The following RBMS3 variants were observed in gnomAD, a reference collection of about 807,000 sequenced individuals.
RBMS3 encodes the protein RNA-binding motif, single-stranded-interacting protein 3.
Under a neutral mutation model 66.8 loss-of-function variants are expected in RBMS3, and 27 were observed. The observed-to-expected ratio is 0.40, with a 90% CI of 0.30 to 0.56. The LOEUF (loss-of-function observed/expected upper bound fraction) is 0.56. Ranked by LOEUF, RBMS3 falls within the 20% of genes least tolerant of loss-of-function variation. The pLI, the probability that RBMS3 is intolerant of heterozygous loss-of-function variation, is 0.40. For synonymous variants in RBMS3, 188 were observed against 183.0 expected (o/e 1.03, Z -0.22); for missense variants, 513 against 549.5 (o/e 0.93, Z 0.66).
At chr3:29,517,946 TC>T (rs1396574282) in intron 3 of RBMS3, among the ~76,000 whole-genome samples, 1 of 152,144 alleles carries the variant, frequency 6.6e-6, no homozygotes, top group Non-Finnish European at 1.5e-5. Flanking sequence ...ACCTTTTTCT[TC>T]CCCCTAAATA....
At chr3:29,735,576 CTG>C (rs1384444180) in intron 4 of RBMS3, among the ~76,000 whole-genome samples, 5 of 152,118 alleles carry the variant, frequency 3.3e-5, no homozygotes, top group African/African-American at 7.2e-5. Flanking sequence ...CATTCAATGA[CTG>C]TGTGTAGAAT....
intron 3 of RBMS3, among the ~76,000 whole-genome samples, chr3:29,564,235 G>A (rs1210819105): frequency 2.6e-5 from 4 of 151,944 alleles, no homozygotes. Flanking sequence ...CCAGCACTTT[G>A]GGAGGCCAAG....
At chr3:29,685,513 A>C (rs1203157846) in intron 4 of RBMS3, among the ~76,000 whole-genome samples, 1 of 152,170 alleles carries the variant, frequency 6.6e-6, no homozygotes, top group African/African-American at 2.4e-5. Context: ...TCCTCTAAAA[A>C]AGGGAAGAAC....
At chr3:29,433,135 C>T (rs530887583) in intron 1 of RBMS3, among the ~76,000 whole-genome samples, 1 of 151,672 alleles carries the variant, frequency 6.6e-6, no homozygotes, top group African/African-American at 2.4e-5. Flanking sequence ...TAGAATGAAA[C>T]TGTAGAGACA....
intron 3 of RBMS3, among the ~76,000 whole-genome samples, chr3:29,529,469 G>A (rs1172752384): frequency 2.0e-5 from 3 of 152,170 alleles, no homozygotes; most frequent in Admixed American, 6.5e-5. Flanking sequence ...TTTTGAAAAC[G>A]CATGATTCTG....
intron 12 of RBMS3, among the ~76,000 whole-genome samples, chr3:29,982,258 TC>T (rs1266050657): frequency 3.4e-4 from 51 of 152,212 alleles, no homozygotes; most frequent in African/African-American, 1.2e-3. Flanking sequence ...TTCTGTGAGA[TC>T]AGTGGTGATA....
chr3:29,702,742 T>A lies in RBMS3; in HGVS notation c.400-36978T>A, dbSNP rs572024969. ...AGAGCTGTAACACTCACCGTGAAGG[T>A]CTGCAGTTTTACTCCTGAAGCCAGC... On this transcript the variant is annotated intron_variant, in intron 4 of 14. Coordinates refer to ENST00000383767, the MANE Select transcript of RBMS3 (RefSeq NM_001003793.3). Among the ~76,000 whole-genome samples, 54 of 152,146 alleles carry A rather than the reference T, an allele frequency of 3.5e-4. No individual in the cohort carries two copies. The South Asian group carries it at 7.9e-3, about 22-fold the overall frequency.
chr3:29,404,805 A>G (rs1217547215), intron 1 of RBMS3, among the ~76,000 whole-genome samples: 2 of 152,148 alleles, frequency 1.3e-5, no homozygotes, highest in East Asian at 1.9e-4. Context: ...AACTGAATAC[A>G]TTGGTTTCCT....
At chr3:29,331,161 G>A (rs1575558905) in intron 1 of RBMS3, among the ~76,000 whole-genome samples, 1 of 152,044 alleles carries the variant, frequency 6.6e-6, no homozygotes, top group Non-Finnish European at 1.5e-5. Flanking sequence ...TGCGCTGCCT[G>A]GTGTTGGCAC....
At chr3:29,496,336 T>A (rs1036601621) in intron 3 of RBMS3, among the ~76,000 whole-genome samples, 2 of 152,200 alleles carry the variant, frequency 1.3e-5, no homozygotes, top group Non-Finnish European at 2.9e-5. Flanking sequence ...TAGTATTAAG[T>A]TTACCACCAG....
chr3:29,740,497 T>G (rs1284734554), intron 5 of RBMS3, among the ~76,000 whole-genome samples: 1 of 152,216 alleles, frequency 6.6e-6, no homozygotes, highest in African/African-American at 2.4e-5. Context: ...AATTTTCATT[T>G]TAACTTTGAA....
In RBMS3 at chr3:29,488,466, G is replaced by A; in HGVS notation, c.274G>A (p.Ala92Thr). Residue 92 changes from alanine (A) to threonine (T), a missense_variant, in exon 3 of 15, where the codon GCA (alanine) becomes ACA (threonine). Physicochemically the swap from Ala to Thr is moderately conservative, Grantham distance 58. Transcript: ENST00000383767. ...GTATGGAAAAATTGTATCTACAAAGGCAATTCTTGACAAAAACACAAATCA... is the reference window on the plus strand; with the variant it reads ...GTATGGAAAAATTGTATCTACAAAGACAATTCTTGACAAAAACACAAATCA... ...QPYGKIVSTK[A>T]ILDKNTNQCK... The A allele has an allele frequency of 6.2e-7, 1 of 1,611,640 alleles. No homozygotes were observed. The highest frequency in any genetic ancestry group is 8.5e-7 in the Non-Finnish European group (1 of 1,178,106).
chr3:29,786,820 C>T (rs1476243618), intron 6 of RBMS3, among the ~76,000 whole-genome samples: 2 of 151,862 alleles, frequency 1.3e-5, no homozygotes, highest in African/African-American at 2.4e-5. Context: ...GCAAATGCAA[C>T]AAAAATAAAA....
At chr3:29,706,124 A>G (rs1357182773) in intron 4 of RBMS3, among the ~76,000 whole-genome samples, 1 of 152,164 alleles carries the variant, frequency 6.6e-6, no homozygotes, top group African/African-American at 2.4e-5. Flanking sequence ...GGTAGAAAGG[A>G]AGCATATGCC....
At chr3:29,940,544 T>C (rs757785788) in intron 11 of RBMS3, among the ~76,000 whole-genome samples, 1 of 151,846 alleles carries the variant, frequency 6.6e-6, no homozygotes, top group Non-Finnish European at 1.5e-5. Context: ...AACACTGGCT[T>C]AGTCCCACTC....
At chr3:29,813,492 A>C (rs1426953363) in intron 6 of RBMS3, among the ~76,000 whole-genome samples, 1 of 152,150 alleles carries the variant, frequency 6.6e-6, no homozygotes, top group Non-Finnish European at 1.5e-5. Flanking sequence ...TGAACTTTAA[A>C]GTAGTTTTTT....
intron 12 of RBMS3, among the ~76,000 whole-genome samples, chr3:29,960,561 TTTCCCTTCCACA>T (rs1696361205): frequency 6.6e-6 from 1 of 152,178 alleles, no homozygotes; most frequent in South Asian, 2.1e-4. Context: ...GCACCCCACA[TTTCCCTTCCACA>T]CTGCCCTAGC....
intron 14 of RBMS3, 150 bp from the exon 15 acceptor site, chr3:30,003,706 A>G (rs1699714199): frequency 4.2e-6 from 2 of 473,406 alleles, no homozygotes; most frequent in East Asian, 6.9e-5. Context: ...TGACAATCTC[A>G]TAGACTCAGT....
At chr3:29,805,814 T>G (rs1160423025) in intron 6 of RBMS3, among the ~76,000 whole-genome samples, 1 of 152,048 alleles carries the variant, frequency 6.6e-6, no homozygotes. Context: ...GAGCTAAGTT[T>G]ATTGTTAAAG....
Sources: allele counts gnomAD v4.1 joint callset (sites outside exome capture counted in the v4.1 genomes callset), GRCh38; gene constraint gnomAD v4.1.1; transcripts MANE v1.5; gene names NCBI Gene and HGNC (gene_info 2026-07-23, HGNC 2026-07-21).